The following PKD1L1 variants were observed in gnomAD, a reference collection of about 807,000 sequenced individuals.
PKD1L1 encodes the protein polycystin-1-like protein 1.
A neutral mutation model predicts 323.4 loss-of-function variants in PKD1L1; 236 were observed. The observed-to-expected ratio is 0.73, with a 90% CI of 0.66 to 0.81. The LOEUF (loss-of-function observed/expected upper bound fraction) is 0.81, where lower values mean the gene tolerates loss of function less well. PKD1L1 is among the 40% of genes least tolerant of loss of function. The probability of loss-of-function intolerance (pLI) is 0.00; values close to 1 mark genes in which losing one functional copy is unlikely to be tolerated. For missense variants in PKD1L1, 3,320 were observed against 3,508.0 expected, an observed-to-expected ratio of 0.95 and a Z score of 1.35; for synonymous variants, 1,344 against 1,335.0, an observed-to-expected ratio of 1.01 and a Z score of -0.15.
chr7:47,932,220 G>A (rs1226038749), intron 4 of PKD1L1, among the ~76,000 whole-genome samples, 164 bp from the exon 5 acceptor site: 1 of 152,188 alleles, frequency 6.6e-6, no homozygotes, highest in East Asian at 1.9e-4. Context: ...GCTGACCATG[G>A]GGATATGATG....
intron 56 of PKD1L1, among the ~76,000 whole-genome samples, chr7:47,787,873 G>C (rs1786847040): frequency 6.6e-6 from 1 of 151,986 alleles, no homozygotes; most frequent in African/African-American, 2.4e-5. Context: ...CACCACACCT[G>C]GCTAATTTTG....
chr7:47,813,337 A>G, intron 48 of PKD1L1, 44 bp from the exon 49 acceptor site: 1 of 1,605,792 alleles, frequency 6.2e-7, no homozygotes. Context: ...TACTATTCCC[A>G]AGGCTACCCT....
intron 31 of PKD1L1, among the ~76,000 whole-genome samples, chr7:47,849,595 A>G (rs890590054): frequency 2.0e-5 from 3 of 152,200 alleles, no homozygotes; most frequent in African/African-American, 7.2e-5. Context: ...ACTCAACACC[A>G]CTAAGTAATA....
chr7:47,817,202 G>A (rs1785038246), intron 46 of PKD1L1, among the ~76,000 whole-genome samples: 1 of 152,134 alleles, frequency 6.6e-6, no homozygotes, highest in African/African-American at 2.4e-5. Flanking sequence ...CTGCACTCCA[G>A]CCTCAGTGAC....
At chr7:47,856,849 C>T (rs1301909272) in intron 28 of PKD1L1, among the ~76,000 whole-genome samples, 1 of 152,152 alleles carries the variant, frequency 6.6e-6, no homozygotes, top group Non-Finnish European at 1.5e-5. Context: ...TCCATACATC[C>T]ATCAGACATT....
In PKD1L1 at chr7:47,929,405, C is replaced by A. The variant is rs1398471966; in HGVS notation, c.859G>T (p.Asp287Tyr). The change falls in exon 7 of 57, where the codon GAT becomes TAT. Residue 287 changes from aspartate to tyrosine, a missense_variant. By Grantham distance (160) the Asp-to-Tyr change is radical. Transcript: ENST00000289672. ...PPVAILARNSDNFMNPVLNCS... is the reference protein window; with the variant it reads ...PPVAILARNSYNFMNPVLNCS... ...TTAAGAACAGGGTTCATGAAGTTAT[C>A]AGAATTTCGAGCTAGGATGGCCACA... 6.2e-7 allele frequency: 1 copy of A among 1,614,188 alleles called. No individual in the cohort carries two copies. Among genetic ancestry groups the A allele is most frequent in the South Asian group, 1.1e-5 (1 of 91,074 alleles).
At chr7:47,822,434 CAA>C (rs35645229) in intron 45 of PKD1L1, among the ~76,000 whole-genome samples, 8,304 of 145,552 alleles carry the variant, frequency 0.057, 313 homozygotes, top group Non-Finnish European at 0.082. Flanking sequence ...ACTAAAAATA[CAA>C]AAAAAAAAAA....
rs1186705075 is a variant in PKD1L1, at chr7:47,915,497, T to C, written c.1163A>G (p.Asn388Ser). 1.9e-5 allele frequency: 27 copies of C among 1,386,330 alleles called. No individual in the cohort carries two copies. Among genetic ancestry groups the C allele is most frequent in the Non-Finnish European group, 2.7e-5 (26 of 972,454 alleles). 85.9% of individuals were successfully genotyped at this position (1,386,330 alleles called of 1,614,324 possible). The part of the protein sequence containing the change: ...TLNVYLCQSE[N>S]SCLEDSDPSN... ...GGGGTCTGAGTCTTCCAGGCAGCTG[T>C]TTTCACTTTGGCACAAGTAAACATT... The change falls in exon 8 of 57, where the codon AAC becomes AGC. Residue 388 changes from asparagine to serine, a missense_variant. Transcript: ENST00000289672.
intron 8 of PKD1L1, among the ~76,000 whole-genome samples, chr7:47,911,809 A>G (rs1355168364): frequency 1.3e-5 from 2 of 152,082 alleles, no homozygotes; most frequent in African/African-American, 4.8e-5. Context: ...CAAAGGGCTC[A>G]GTGGCTGTGA....
intron 56 of PKD1L1, among the ~76,000 whole-genome samples, chr7:47,788,577 ATT>A (rs34984408): frequency 0.022 from 3,021 of 138,000 alleles, 101 homozygotes; most frequent in African/African-American, 0.074. Flanking sequence ...ATATATATAT[ATT>A]TTTTTTTTTT....
chr7:47,829,261 C>G (rs1406182949), intron 44 of PKD1L1, among the ~76,000 whole-genome samples, 164 bp downstream of exon 44: 1 of 152,162 alleles, frequency 6.6e-6, no homozygotes, highest in African/African-American at 2.4e-5. Context: ...ATGTGTTCAT[C>G]TATCATACAG....
intron 52 of PKD1L1, among the ~76,000 whole-genome samples, chr7:47,805,052 G>T (rs566152053): frequency 1.3e-5 from 2 of 151,112 alleles, no homozygotes; most frequent in Non-Finnish European, 2.9e-5. Context: ...GTGCCAAGCT[G>T]TTCCAAGGAT....
intron 49 of PKD1L1, among the ~76,000 whole-genome samples, chr7:47,812,424 T>G (rs533581007): frequency 2.4e-4 from 37 of 152,260 alleles, no homozygotes; most frequent in African/African-American, 8.2e-4. Context: ...CCCCACTGTT[T>G]GGAACAAACA....
At chr7:47,782,956 G>A (rs1786729130) in intron 56 of PKD1L1, among the ~76,000 whole-genome samples, 1 of 152,116 alleles carries the variant, frequency 6.6e-6, no homozygotes, top group Non-Finnish European at 1.5e-5. Flanking sequence ...TTTACTAAAG[G>A]TGTTGTGCTG....
At chr7:47,884,455 G>A in intron 19 of PKD1L1, 143 bp downstream of exon 19, 1 of 728,380 alleles carries the variant, frequency 1.4e-6, no homozygotes. Flanking sequence ...TTCAGACCGT[G>A]CCATGTAAGA....
Position 47,843,041 on chromosome 7 carries a change from T to C in PKD1L1, c.5366A>G (p.Glu1789Gly), listed in dbSNP as rs368140318. The C allele has an allele frequency of 6.1e-5, 98 of 1,613,862 alleles. 1 individual carries two copies. In the Middle Eastern group the frequency reaches 4.3e-3, roughly 70 times the overall value. Residue 1789 changes from glutamate (E) to glycine (G), a missense_variant, in exon 34 of 57, where the codon GAA becomes GGA. Transcript: ENST00000289672. ...KKKAGYIFLQ[E>G]ASLPGHQLYA... Reference sequence around the variant, plus strand: ...TAGCTGATGGCCCGGCAGGGAAGCTTCTTGCAGAAAGATGTAACCAGCTTT... The same window carrying C: ...TAGCTGATGGCCCGGCAGGGAAGCTCCTTGCAGAAAGATGTAACCAGCTTT...
At chr7:47,816,425 G>C (rs927502407) in intron 46 of PKD1L1, among the ~76,000 whole-genome samples, 15 of 152,272 alleles carry the variant, frequency 9.9e-5, no homozygotes, top group Admixed American at 7.8e-4. Flanking sequence ...GCAGCAGCAG[G>C]GTGTCCATTT....
In PKD1L1 at chr7:47,809,626, T is replaced by C. The variant is rs1047918403; in HGVS notation, c.7582-49A>G. The C allele has an allele frequency of 4.2e-6, 6 of 1,419,360 alleles. No individual in the cohort carries two copies. In the African/African-American group the frequency reaches 8.6e-5, roughly 20 times the overall value. 87.9% of individuals were successfully genotyped at this position (1,419,360 alleles called of 1,614,324 possible). ...CAAGATCAATAGGAATGCTGATAAA[T>C]TGTTTTTTGAAGGTCTAAACATGTG... On this transcript the variant is annotated intron_variant, in intron 50 of 56. Coordinates refer to ENST00000289672, the MANE Select transcript of PKD1L1 (RefSeq NM_138295.5).
At position 47,827,417 on chromosome 7, in the gene PKD1L1, A is replaced by T. The variant is rs373447072; in HGVS notation, c.6787T>A (p.Ser2263Thr). ...ARHLRWAHPP[S>T]KAQLRGTRQR... is the part of the protein sequence containing the mutation. ...CTGGTGCCCCTCAGCTGGGCCTTGG[A>T]TGGTGGATGCGCCCAGCGCAGGTGG... The change falls in exon 45 of 57, where the codon TCC (serine) becomes ACC (threonine). Residue 2263 changes from serine (S) to threonine (T), a missense_variant. Transcript: ENST00000289672. 6.2e-7 allele frequency: 1 copy of T among 1,613,218 alleles called. No individual in the cohort carries two copies.
Sources: gnomAD v4.1 joint callset for allele counts (sites outside exome capture counted in the v4.1 genomes callset) on GRCh38, gnomAD v4.1.1 for gene constraint, MANE v1.5 for transcripts, NCBI Gene and HGNC (gene_info 2026-07-23, HGNC 2026-07-21) for gene names.